The following SLC26A4 variants were observed in gnomAD, a reference collection of about 807,000 sequenced individuals.
SLC26A4 encodes pendrin.
Under a neutral mutation model 90.4 loss-of-function variants are expected in SLC26A4, and 93 were observed. The observed-to-expected ratio is 1.03, with a 90% CI of 0.87 to 1.22. The LOEUF (loss-of-function observed/expected upper bound fraction) is 1.22, where lower values mean the gene tolerates loss of function less well. SLC26A4 is among the 50% of genes most tolerant of loss of function. SLC26A4 has a pLI of 0.00. For synonymous variants in SLC26A4, 393 were observed against 354.6 expected, an observed-to-expected ratio of 1.11 and a Z score of -1.22; for missense variants, 1,127 against 946.2, an observed-to-expected ratio of 1.19 and a Z score of -2.51.
chr7:107,686,425 C>CTT (rs1174542379), intron 8 of SLC26A4, among the ~76,000 whole-genome samples: 2 of 82,756 alleles, frequency 2.4e-5, no homozygotes, highest in Non-Finnish European at 4.5e-5. Flanking sequence ...TTCTTTCTTT[C>CTT]TTTCTTTCTT....
At chr7:107,678,464 T>C (rs1791083831) in intron 6 of SLC26A4, among the ~76,000 whole-genome samples, 1 of 152,226 alleles carries the variant, frequency 6.6e-6, no homozygotes, top group South Asian at 2.1e-4. Context: ...ATAGTTCTTC[T>C]GGTCTCATAG....
chr7:107,669,778 C>A (rs1037787398), intron 3 of SLC26A4, among the ~76,000 whole-genome samples: 3 of 152,190 alleles, frequency 2.0e-5, no homozygotes, highest in African/African-American at 7.2e-5. Flanking sequence ...ACCTCCACTA[C>A]AAACTAGAAG....
chr7:107,707,269 C>G (rs912907990), intron 18 of SLC26A4, among the ~76,000 whole-genome samples: 14 of 152,258 alleles, frequency 9.2e-5, no homozygotes, highest in Admixed American at 8.5e-4. Flanking sequence ...GCCATAAAAC[C>G]TGTAATTCTT....
chr7:107,714,648 G>T (rs1322382429), intron 20 of SLC26A4, among the ~76,000 whole-genome samples: 4 of 152,032 alleles, frequency 2.6e-5, no homozygotes, highest in Admixed American at 2.6e-4. Flanking sequence ...TTCAGGGAGG[G>T]TTTCTATAGA....
At chr7:107,686,555 TC>T (rs1247922282) in intron 8 of SLC26A4, among the ~76,000 whole-genome samples, 1 of 151,888 alleles carries the variant, frequency 6.6e-6, no homozygotes, top group East Asian at 1.9e-4. Flanking sequence ...TGGCATGATC[TC>T]GGCTCACTGC....
At chr7:107,685,175 GCA>G (rs1393977911) in intron 8 of SLC26A4, among the ~76,000 whole-genome samples, 1 of 152,108 alleles carries the variant, frequency 6.6e-6, no homozygotes, top group Non-Finnish European at 1.5e-5. Flanking sequence ...CTGTCCCAGA[GCA>G]CAGAGCTCAT....
intron 8 of SLC26A4, among the ~76,000 whole-genome samples, chr7:107,687,407 C>T (rs2712210): frequency 0.21 from 32,259 of 152,086 alleles, 4,158 homozygotes; most frequent in South Asian, 0.42. Context: ...ACATGAGTGG[C>T]AGGAGTATGA....
chr7:107,700,343 C>G (rs1791854613), intron 15 of SLC26A4, among the ~76,000 whole-genome samples, 168 bp downstream of exon 15: 1 of 152,030 alleles, frequency 6.6e-6, no homozygotes, highest in Non-Finnish European at 1.5e-5. Flanking sequence ...AATTTACAGT[C>G]TATTTGGGGA....
chr7:107,664,881 A>G (rs529729063), intron 3 of SLC26A4, among the ~76,000 whole-genome samples: 3 of 152,254 alleles, frequency 2.0e-5, no homozygotes, highest in East Asian at 3.9e-4. Context: ...GAAAACAGAA[A>G]TATCGTTATT....
intron 18 of SLC26A4, among the ~76,000 whole-genome samples, chr7:107,707,255 A>C (rs1015362335): frequency 2.6e-5 from 4 of 152,250 alleles, no homozygotes; most frequent in Non-Finnish European, 5.9e-5. Flanking sequence ...TTTCAAATAA[A>C]AAAGCCATAA....
intron 20 of SLC26A4, among the ~76,000 whole-genome samples, chr7:107,713,758 C>T (rs985216218): frequency 3.9e-5 from 6 of 152,088 alleles, no homozygotes; most frequent in Non-Finnish European, 8.8e-5. Flanking sequence ...CAACTAAAGA[C>T]TGGGGCATTT....
At chr7:107,686,267 T>TCCTTCCCTCCCTTTCCTA (rs1791397744) in intron 8 of SLC26A4, among the ~76,000 whole-genome samples, 4 of 141,918 alleles carry the variant, frequency 2.8e-5, no homozygotes, top group Non-Finnish European at 6.2e-5. Flanking sequence ...TTTCTTCCCT[T>TCCTTCCCTCCCTTTCCTA]CCTTCCCTCC....
intron 10 of SLC26A4, among the ~76,000 whole-genome samples, chr7:107,690,752 G>C (rs1334201542): frequency 6.6e-6 from 1 of 152,110 alleles, no homozygotes; most frequent in Non-Finnish European, 1.5e-5. Context: ...TTCTTCCTGA[G>C]TAAGATTTAT....
At chr7:107,691,548 CATAT>C (rs35766469) in intron 10 of SLC26A4, among the ~76,000 whole-genome samples, 4 of 144,132 alleles carry the variant, frequency 2.8e-5, no homozygotes, top group East Asian at 2.1e-4. Context: ...CACACACAAA[CATAT>C]ATATATATAT....
rs1302042624 is a variant in SLC26A4, at chr7:107,717,361, G to T, written c.*1915G>T. On this transcript the variant is annotated 3_prime_UTR_variant, in exon 21 of 21. Transcript: ENST00000644269. ...AGCCTGGGCGACAGAGCAAGACTCCGTCTCAAAAAAAAAAAAAAAAAAAAA... is the reference window on the plus strand; with the variant it reads ...AGCCTGGGCGACAGAGCAAGACTCCTTCTCAAAAAAAAAAAAAAAAAAAAA... 2.9e-5 allele frequency: 2 copies of T among 70,040 alleles called. No homozygotes were observed. Among genetic ancestry groups the T allele is most frequent in the Admixed American group, 2.7e-4 (1 of 3,744 alleles). The allele number at this position is 70,040 out of a possible 1,614,324, so 4.3% of individuals were successfully genotyped here.
intron 3 of SLC26A4, among the ~76,000 whole-genome samples, chr7:107,668,115 T>G (rs1790766753): frequency 2.0e-5 from 3 of 152,180 alleles, no homozygotes; most frequent in Admixed American, 1.3e-4. Context: ...TTAGCCCAGA[T>G]GTAGATGCCT....
In SLC26A4 at chr7:107,690,204, G is replaced by A. The variant is rs371756312; in HGVS notation, c.1230G>A (p.Thr410=). ...TGGCCACCACTGCTCTTTCCCGCAC[G>A]GCCGTCCAGGAGAGCACTGGAGGAA... ...CFVATTALSR[T]AVQESTGGKT... The change falls in exon 10 of 21, where the codon ACG becomes ACA. Residue 410 remains threonine, a synonymous_variant. Coordinates refer to ENST00000644269, the MANE Select transcript of SLC26A4 (RefSeq NM_000441.2). 1.1e-5 allele frequency: 18 copies of A among 1,611,622 alleles called. No individual in the cohort carries two copies. The highest frequency in any genetic ancestry group is 1.3e-5 in the African/African-American group (1 of 74,814).
chr7:107,703,366 A>G (rs1447975664), intron 17 of SLC26A4, among the ~76,000 whole-genome samples: 1 of 152,192 alleles, frequency 6.6e-6, no homozygotes, highest in Admixed American at 6.5e-5. Flanking sequence ...TGCTACCTCT[A>G]TAAGGGGAGG....
intron 10 of SLC26A4, among the ~76,000 whole-genome samples, chr7:107,691,108 T>TAC (rs113420862): frequency 0.059 from 8,288 of 141,274 alleles, 298 homozygotes; most frequent in African/African-American, 0.11. Context: ...CATAGTGCAA[T>TAC]ACACACACAC....
Sources: gnomAD v4.1 joint callset for allele counts (sites outside exome capture counted in the v4.1 genomes callset) on GRCh38, gnomAD v4.1.1 for gene constraint, MANE v1.5 for transcripts, NCBI Gene and HGNC (gene_info 2026-07-23, HGNC 2026-07-21) for gene names.